The following CHD3 variants were observed in gnomAD, a reference collection of about 807,000 sequenced individuals.
CHD3 encodes ATP-dependent chromatin remodeler CHD3.
A neutral mutation model predicts 248.9 loss-of-function variants in CHD3; 52 were observed. The observed-to-expected ratio is 0.21, with a 90% CI of 0.17 to 0.26. CHD3 has a LOEUF of 0.26. Ranked by LOEUF, CHD3 falls within the 10% of genes least tolerant of loss-of-function variation. CHD3 has a pLI of 1.00. For missense variants in CHD3, 1,482 were observed against 2,605.8 expected (o/e 0.57, Z 9.39); for synonymous variants, 985 against 985.2 (o/e 1.00, Z 0.00).
In CHD3 at chr17:7,899,675, T is replaced by C; in HGVS notation, c.2544+132T>C. 9.5e-7 allele frequency: 1 copy of C among 1,053,118 alleles called. No homozygotes were observed. Among genetic ancestry groups the C allele is most frequent in the Non-Finnish European group, 1.4e-6 (1 of 712,636 alleles). The allele number at this position is 1,053,118 out of a possible 1,614,324, so 65.2% of individuals were successfully genotyped here. On this transcript the variant is annotated intron_variant, in intron 15 of 39. Transcript: ENST00000330494. The surrounding 1 kb of genome is among the most constrained non-coding windows in gnomAD (Gnocchi z 6.8). ...TCCACCTGTCCTCCTGTCTCTGCAC[T>C]ACCATCCTAGAGATATGGCAGGTAC...
chr17:7,898,972 G>A (rs371266297), intron 13 of CHD3, 39 bp from the exon 14 acceptor site: 85 of 1,578,860 alleles, frequency 5.4e-5, no homozygotes, highest in Admixed American at 1.4e-4. Flanking sequence ...AGGAGCCGCC[G>A]ACTATTTCCT....
Position 7,906,982 on chromosome 17 carries a change from C to T in CHD3, c.4617C>T (p.Pro1539=). The T allele has an allele frequency of 6.2e-7, 1 of 1,614,176 alleles. No homozygotes were observed. Among genetic ancestry groups the T allele is most frequent in the Non-Finnish European group, 8.5e-7 (1 of 1,180,028 alleles). ...CCTCCTCTCCTACCAAAACGTCTCC[C>T]ACCACTCCTGAGGCTTCTGCTACCA... ...SRASSPTKTS[P]TTPEASATNS... The change falls in exon 30 of 40, where the codon CCC becomes CCT. Residue 1539 remains proline, a synonymous_variant. Transcript: ENST00000330494. This position sits in a 1 kb window ranked among gnomAD's most constrained non-coding sequence, Gnocchi z 5.0.
At position 7,906,051 on chromosome 17, in the gene CHD3, C is replaced by T. The variant is rs1597991977; in HGVS notation, c.4358+62C>T. On this transcript the variant is annotated intron_variant, in intron 28 of 39. Transcript: ENST00000330494. This position sits in a 1 kb window ranked among gnomAD's most constrained non-coding sequence, Gnocchi z 5.0. ...GGGGAAGAGCTTTGGGTGTTCCTTT[C>T]TTCCTTGGGGCCGCCATATGATGTG... 1 of 1,603,508 alleles carries T rather than the reference C, an allele frequency of 6.2e-7. No homozygotes were observed.
chr17:7,893,536 C>G lies in CHD3; in HGVS notation c.760C>G (p.Pro254Ala), dbSNP rs763375312. The G allele has an allele frequency of 6.3e-7, 1 of 1,591,184 alleles. No homozygotes were observed. Among genetic ancestry groups the G allele is most frequent in the Admixed American group, 1.7e-5 (1 of 58,300 alleles). Reference sequence around the variant, plus strand: ...CCCTGCTGCTGATATCCAGCCCCCACCCATCCGAAGAGCCAAAACCAAAGA... The same window carrying G: ...CCCTGCTGCTGATATCCAGCCCCCAGCCATCCGAAGAGCCAAAACCAAAGA... ...PPPAADIQPPPIRRAKTKEGK... is the reference protein window; with the variant it reads ...PPPAADIQPPAIRRAKTKEGK... Residue 254 changes from proline (P) to alanine (A), a missense_variant, in exon 5 of 40, where the codon CCC (proline) becomes GCC (alanine). Physicochemically the swap from Pro to Ala is conservative, Grantham distance 27 (BLOSUM62 -1). Coordinates refer to ENST00000330494, the MANE Select transcript of CHD3 (RefSeq NM_001005273.3).
In CHD3 at chr17:7,907,349, C is replaced by A; in HGVS notation, c.4789-4C>A. The A allele has an allele frequency of 1.2e-6, 2 of 1,606,158 alleles. No individual in the cohort carries two copies. The highest frequency in any genetic ancestry group is 1.1e-5 in the South Asian group (1 of 89,700). On this transcript the variant is annotated splice_region_variant and splice_polypyrimidine_tract_variant and intron_variant, in intron 31 of 39. Coordinates refer to ENST00000330494, the MANE Select transcript of CHD3 (RefSeq NM_001005273.3). This position sits in a 1 kb window ranked among gnomAD's most constrained non-coding sequence, Gnocchi z 4.3. ...CTCATCCTGACCCCATTGTCCTCTTCCAGGCTGATGCCCCCAGCCCAGCCC... is the reference window on the plus strand; with the variant it reads ...CTCATCCTGACCCCATTGTCCTCTTACAGGCTGATGCCCCCAGCCCAGCCC...
Position 7,895,448 on chromosome 17 carries a change from C to A in CHD3, c.1613C>A (p.Pro538His), listed in dbSNP as rs200461939. The change falls in exon 10 of 40, where the codon CCC becomes CAC. Residue 538 changes from proline to histidine, a missense_variant. Pro to His is a moderately conservative substitution (Grantham distance 77). Around this residue, in one of 20 missense-constraint regions of CHD3, gnomAD observed 24 missense variants for 18.3 expected, o/e 1.31. Coordinates refer to ENST00000330494, the MANE Select transcript of CHD3 (RefSeq NM_001005273.3). The surrounding 1 kb of genome is among the most constrained non-coding windows in gnomAD (Gnocchi z 4.9). ...GCAGATGGAAATCCAGATGTCCCAC[C>A]CCCCCGTCCTCTTCAAGGCAGATCA... ...QQADGNPDVP[P>H]PRPLQGRSER... 6 of 1,613,948 alleles carry A rather than the reference C, an allele frequency of 3.7e-6. No individual in the cohort carries two copies. The highest frequency in any genetic ancestry group is 5.1e-6 in the Non-Finnish European group (6 of 1,180,004).
At position 7,893,455 on chromosome 17, in the gene CHD3, G is replaced by A. The variant is rs1276275805; in HGVS notation, c.679G>A (p.Ala227Thr). The A allele has an allele frequency of 6.2e-7, 1 of 1,611,430 alleles. No homozygotes were observed. Among genetic ancestry groups the A allele is most frequent in the South Asian group, 1.1e-5 (1 of 90,954 alleles). The change falls in exon 5 of 40, where the codon GCT becomes ACT. Residue 227 changes from alanine to threonine, a missense_variant. By Grantham distance (58) the Ala-to-Thr change is moderately conservative (BLOSUM62 0). Coordinates refer to ENST00000330494, the MANE Select transcript of CHD3 (RefSeq NM_001005273.3). ...AGCTGTAGCTGAGCAGGTGTCAGCT[G>A]CTGTCTCGTCGGCCACCCCCATAGC... is the stretch of plus-strand genomic sequence containing the variant. Reference protein sequence around the residue: ...AAAVAEQVSAAVSSATPIAPS... With the variant: ...AAAVAEQVSATVSSATPIAPS...
intron 21 of CHD3, 75 bp from the exon 22 acceptor site, chr17:7,902,862 A>G: frequency 1.9e-6 from 3 of 1,591,058 alleles, no homozygotes; most frequent in Non-Finnish European, 2.6e-6. Flanking sequence ...GTTGTTTGTC[A>G]TCAGAGAACA....
rs757642525 is a variant in CHD3, at chr17:7,895,007, G to GATC, written c.1362_1364dup (p.His455dup). On this transcript the variant is annotated inframe_insertion, in exon 9 of 40. Coordinates refer to ENST00000330494, the MANE Select transcript of CHD3 (RefSeq NM_001005273.3). The surrounding 1 kb of genome is among the most constrained non-coding windows in gnomAD (Gnocchi z 4.9). ...AGAAGGGGAGAAGGAGGAGGAGGAT[G>GATC]ATCACATGGAGTACTGCCGCGTATG... The GATC allele has an allele frequency of 6.2e-6, 10 of 1,614,026 alleles. No homozygotes were observed. In the East Asian group the frequency reaches 2.2e-4, roughly 36 times the overall value.
rs993933291 is a variant in CHD3, at chr17:7,906,075, T to A, written c.4358+86T>A. The A allele has an allele frequency of 1.9e-6, 3 of 1,559,458 alleles. No homozygotes were observed. The African/African-American group carries it at 4.1e-5, about 21-fold the overall frequency. On this transcript the variant is annotated intron_variant, in intron 28 of 39. Coordinates refer to ENST00000330494, the MANE Select transcript of CHD3 (RefSeq NM_001005273.3). The surrounding 1 kb of genome is among the most constrained non-coding windows in gnomAD (Gnocchi z 5.0). ...TCTTCCTTGGGGCCGCCATATGATG[T>A]GACCTTACTCAACTGATTATCACCC...
Position 7,905,035 on chromosome 17 carries a change from A to G in CHD3, c.4073-65A>G, listed in dbSNP as rs1970758611. The G allele has an allele frequency of 7.0e-6, 10 of 1,433,316 alleles. No individual in the cohort carries two copies. The highest frequency in any genetic ancestry group is 9.8e-6 in the Non-Finnish European group (10 of 1,016,334). The allele number at this position is 1,433,316 out of a possible 1,614,324, so 88.8% of individuals were successfully genotyped here. On this transcript the variant is annotated intron_variant, in intron 25 of 39. Coordinates refer to ENST00000330494, the MANE Select transcript of CHD3 (RefSeq NM_001005273.3). The surrounding 1 kb of genome is among the most constrained non-coding windows in gnomAD (Gnocchi z 5.8). ...TCGGCAGGGAGGAATCCAGCCAGAAAGGGCCTCAGCATGGGCATATCCCGA... is the reference window on the plus strand; with the variant it reads ...TCGGCAGGGAGGAATCCAGCCAGAAGGGGCCTCAGCATGGGCATATCCCGA...
Position 7,908,771 on chromosome 17 carries a change from A to C in CHD3, c.5336A>C (p.Glu1779Ala). 6.2e-7 allele frequency: 1 copy of C among 1,614,176 alleles called. No homozygotes were observed. Among genetic ancestry groups the C allele is most frequent in the Non-Finnish European group, 8.5e-7 (1 of 1,180,026 alleles). Residue 1779 changes from glutamate (E) to alanine (A), a missense_variant, in exon 36 of 40, where the codon GAA becomes GCA. Physicochemically the swap from Glu to Ala is moderately radical, Grantham distance 107 (BLOSUM62 -1). This residue lies in a region of CHD3 where 27 missense variants were observed against 23.5 expected (regional missense o/e 1.15). Transcript: ENST00000330494. The surrounding 1 kb of genome is among the most constrained non-coding windows in gnomAD (Gnocchi z 5.8). ...ATTATCAACGAGCCATTTAAAACTG[A>C]AGCCAATAAGGGGAACTTTCTGGAG... ...FAIINEPFKT[E>A]ANKGNFLEMK...
Position 7,900,544 on chromosome 17 carries a change from C to T in CHD3, c.2805-14C>T, listed in dbSNP as rs1190339939. 1.2e-6 allele frequency: 2 copies of T among 1,612,006 alleles called. No homozygotes were observed. The highest frequency in any genetic ancestry group is 8.5e-7 in the Non-Finnish European group (1 of 1,178,354). The stretch of plus-strand genomic sequence containing the variant: ...CTTGCCGACCTGTTAATTTTCTTCT[C>T]TTCTGGCTCTTAGCAACTTGGAGGG... On this transcript the variant is annotated splice_polypyrimidine_tract_variant and intron_variant, in intron 17 of 39. Coordinates refer to ENST00000330494, the MANE Select transcript of CHD3 (RefSeq NM_001005273.3). This position sits in a 1 kb window ranked among gnomAD's most constrained non-coding sequence, Gnocchi z 6.5.
At position 7,890,701 on chromosome 17, in the gene CHD3, C is replaced by T. The variant is rs938168299; in HGVS notation, c.344C>T (p.Thr115Ile). The T allele has an allele frequency of 4.4e-6, 7 of 1,579,458 alleles. No individual in the cohort carries two copies. Among genetic ancestry groups the T allele is most frequent in the Middle Eastern group, 1.7e-4 (1 of 5,938 alleles). ...RKHREKKEKK[T>I]KRRKKGEGDG... ...CACCGAGAAAAAAAGGAGAAGAAGA[C>T]AAAGCGGCGGAAAAAGGGGGAGGGA... The change falls in exon 3 of 40, where the codon ACA (threonine) becomes ATA (isoleucine). Residue 115 changes from threonine (T) to isoleucine (I), a missense_variant. Thr to Ile is a moderately conservative substitution (Grantham distance 89). Coordinates refer to ENST00000330494, the MANE Select transcript of CHD3 (RefSeq NM_001005273.3).
At position 7,906,416 on chromosome 17, in the gene CHD3, A is replaced by G. The variant is rs1970957996; in HGVS notation, c.4359-137A>G. 1.2e-6 allele frequency: 1 copy of G among 845,866 alleles called. No homozygotes were observed. The highest frequency in any genetic ancestry group is 2.5e-5 in the East Asian group (1 of 40,732). The allele number at this position is 845,866 out of a possible 1,614,324, so 52.4% of individuals were successfully genotyped here. On this transcript the variant is annotated intron_variant, in intron 28 of 39. Coordinates refer to ENST00000330494, the MANE Select transcript of CHD3 (RefSeq NM_001005273.3). The surrounding 1 kb of genome is among the most constrained non-coding windows in gnomAD (Gnocchi z 5.0). ...TGGAGGGCTGGTAATGGTGAGAGTG[A>G]GAGGCCCAGGGGAGGAGCCCTGGAG...
In CHD3 at chr17:7,895,209, C is replaced by G; in HGVS notation, c.1503+59C>G. The stretch of plus-strand genomic sequence containing the variant: ...TCAGGCCTGATCCCTTCCCCCATCC[C>G]TGGGGCCCACATGTCCAGCTTTTCA... On this transcript the variant is annotated intron_variant, in intron 9 of 39. Transcript: ENST00000330494. The surrounding 1 kb of genome is among the most constrained non-coding windows in gnomAD (Gnocchi z 4.9). 4 of 1,589,130 alleles carry G rather than the reference C, an allele frequency of 2.5e-6. No individual in the cohort carries two copies. The South Asian group carries it at 4.6e-5, about 18-fold the overall frequency.
intron 21 of CHD3, 39 bp from the exon 22 acceptor site, chr17:7,902,898 C>T (rs200694419): frequency 9.3e-6 from 15 of 1,611,048 alleles, no homozygotes; most frequent in East Asian, 6.7e-5. Context: ...ACAGAACTAC[C>T]GGGTACAAGA....
At position 7,911,637 on chromosome 17, in the gene CHD3, C is replaced by T. The variant is rs751918903; in HGVS notation, c.*52C>T. The T allele has an allele frequency of 1.2e-6, 2 of 1,612,040 alleles. No homozygotes were observed. The highest frequency in any genetic ancestry group is 1.7e-6 in the Non-Finnish European group (2 of 1,178,838). ...AGGCCCCGTCCCCGAGGCCGACCCC[C>T]AGCTCAAGCGCTGGGGCCTGCTGCC... On this transcript the variant is annotated 3_prime_UTR_variant, in exon 40 of 40. Coordinates refer to ENST00000330494, the MANE Select transcript of CHD3 (RefSeq NM_001005273.3). This position sits in a 1 kb window ranked among gnomAD's most constrained non-coding sequence, Gnocchi z 5.4.
Position 7,900,506 on chromosome 17 carries a change from CA to C in CHD3, c.2805-51del. The C allele has an allele frequency of 2.5e-6, 4 of 1,609,560 alleles. No individual in the cohort carries two copies. Among genetic ancestry groups the C allele is most frequent in the East Asian group, 2.2e-5 (1 of 44,760 alleles). ...TAATCTGAGGTGGTAAGTCTGAGAT[CA>C]GGGGCAAGGAACTTGCCGACCTGTT... On this transcript the variant is annotated intron_variant, in intron 17 of 39. Transcript: ENST00000330494. This position sits in a 1 kb window ranked among gnomAD's most constrained non-coding sequence, Gnocchi z 6.5.
Sources: gnomAD v4.1 joint callset for allele counts on GRCh38, gnomAD v4.1.1 for gene constraint, gnomAD v4.1.1 regional missense constraint, Gnocchi (gnomAD v3.1) non-coding constraint, MANE v1.5 for transcripts, NCBI Gene and HGNC (gene_info 2026-07-23, HGNC 2026-07-21) for gene names.